MID1: variants seen among roughly 807,000 people sequenced by gnomAD.
The protein encoded by MID1 is E3 ubiquitin-protein ligase Midline-1.
In MID1, 7 loss-of-function variants were observed where a neutral mutation model predicts 40.4. That is an observed-to-expected ratio of 0.17 (90% CI 0.10 to 0.33). The LOEUF (loss-of-function observed/expected upper bound fraction) is 0.33. Among genes scored for constraint, MID1 ranks in the 10% least tolerant of loss-of-function variants. The pLI, the probability that MID1 is intolerant of heterozygous loss-of-function variation, is 1.00. For synonymous variants in MID1, 229 were observed against 221.2 expected (o/e 1.04, Z -0.31); for missense variants, 367 against 558.5 (o/e 0.66, Z 3.46).
intron 3 of MID1, among the ~76,000 whole-genome samples, chrX:10,496,010 T>C (rs184115295): frequency 2.5e-4 from 28 of 112,233 alleles, no homozygotes; most frequent in African/African-American, 9.1e-4. Flanking sequence ...ATATTTGCAA[T>C]TCCTACTTTT....
chrX:10,640,579 C>G (rs1200987069), intron 1 of MID1, among the ~76,000 whole-genome samples: 1 of 111,256 alleles, frequency 9.0e-6, no homozygotes. Context: ...GACGTTAACA[C>G]CCCACTGTCA....
At chrX:10,493,114 T>C (rs1260184944) in intron 4 of MID1, among the ~76,000 whole-genome samples, 4 of 112,004 alleles carry the variant, frequency 3.6e-5, no homozygotes, top group African/African-American at 9.7e-5. Flanking sequence ...GTTACTCACA[T>C]GGCAAAAGGG....
intron 3 of MID1, among the ~76,000 whole-genome samples, chrX:10,516,474 G>A (rs1055287226): frequency 6.4e-5 from 7 of 110,063 alleles, no homozygotes; most frequent in South Asian, 7.9e-4. Context: ...GATTACAGGC[G>A]TGAGCCACCG....
At chrX:10,614,734 G>A (rs944749192) in intron 1 of MID1, among the ~76,000 whole-genome samples, 2 of 112,227 alleles carry the variant, frequency 1.8e-5, no homozygotes, top group African/African-American at 6.5e-5. Flanking sequence ...GAAGGATGGA[G>A]AAAGAAAGGT....
At chrX:10,492,384 C>A (rs1930998351) in intron 4 of MID1, among the ~76,000 whole-genome samples, 1 of 111,539 alleles carries the variant, frequency 9.0e-6, no homozygotes, top group African/African-American at 3.3e-5. Flanking sequence ...GCCTACCCTG[C>A]TCTGATAGTT....
intron 1 of MID1, among the ~76,000 whole-genome samples, chrX:10,675,769 A>G (rs2043019074): frequency 8.9e-6 from 1 of 111,992 alleles, no homozygotes; most frequent in South Asian, 3.7e-4. Flanking sequence ...GGGAGTAAGA[A>G]GCAACATTTG....
At chrX:10,828,086 G>T (rs2044227454) in intron 1 of MID1, among the ~76,000 whole-genome samples, 1 of 111,673 alleles carries the variant, frequency 9.0e-6, no homozygotes, top group Non-Finnish European at 1.9e-5. Context: ...TTAATTGGAA[G>T]AATTTTTTCT....
At chrX:10,660,286 C>T (rs1322146768) in intron 1 of MID1, among the ~76,000 whole-genome samples, 1 of 112,773 alleles carries the variant, frequency 8.9e-6, no homozygotes, top group African/African-American at 3.2e-5. Context: ...CATTCTGAAA[C>T]TGTTGCTATG....
At chrX:10,506,759 T>C (rs1602319442) in intron 3 of MID1, among the ~76,000 whole-genome samples, 1 of 111,704 alleles carries the variant, frequency 9.0e-6, no homozygotes, top group African/African-American at 3.3e-5. Flanking sequence ...AGTCATCCAA[T>C]TTTTCAGTTC....
intron 1 of MID1, among the ~76,000 whole-genome samples, chrX:10,718,618 A>G (rs1174121194): frequency 8.9e-6 from 1 of 111,939 alleles, no homozygotes; most frequent in Admixed American, 9.5e-5. Flanking sequence ...TACCAGAGGT[A>G]CAAGGAGGAG....
chrX:10,494,788 AAAAAG>A (rs2147320052), intron 4 of MID1, among the ~76,000 whole-genome samples: 1 of 108,736 alleles, frequency 9.2e-6, no homozygotes, highest in African/African-American at 3.3e-5. Flanking sequence ...AAAAAAAAAA[AAAAAG>A]AAGAAGAAAA....
At chrX:10,509,293 A>G (rs1303542116) in intron 3 of MID1, among the ~76,000 whole-genome samples, 1 of 111,419 alleles carries the variant, frequency 9.0e-6, no homozygotes, top group East Asian at 2.8e-4. Flanking sequence ...TGATATTGAA[A>G]ATGTTTTCCT....
intron 1 of MID1, among the ~76,000 whole-genome samples, chrX:10,689,743 T>A (rs892952865): frequency 2.9e-4 from 32 of 109,554 alleles, no homozygotes; most frequent in African/African-American, 9.7e-4. Flanking sequence ...AATGTAGATT[T>A]ATAGTGCCTC....
At chrX:10,619,478 A>G (rs1935896719) in intron 1 of MID1, among the ~76,000 whole-genome samples, 1 of 112,742 alleles carries the variant, frequency 8.9e-6, no homozygotes, top group African/African-American at 3.2e-5. Flanking sequence ...AAATATTGAC[A>G]TAAAATTCTT....
At chrX:10,729,657 T>G (rs2043426524) in intron 1 of MID1, among the ~76,000 whole-genome samples, 3 of 112,220 alleles carry the variant, frequency 2.7e-5, no homozygotes, top group African/African-American at 9.7e-5. Flanking sequence ...AAATGCTAAT[T>G]TCAAAGCAGT....
chrX:10,748,596 G>T (rs1246347476), intron 1 of MID1, among the ~76,000 whole-genome samples: 1 of 111,791 alleles, frequency 8.9e-6, no homozygotes, highest in African/African-American at 3.3e-5. Context: ...AAAGCTAGGA[G>T]GAACTATAAT....
intron 1 of MID1, among the ~76,000 whole-genome samples, chrX:10,578,270 G>T (rs1445029939): frequency 8.9e-6 from 1 of 112,707 alleles, no homozygotes; most frequent in African/African-American, 3.2e-5. Flanking sequence ...CCTCGGAAGA[G>T]ACACACATAG....
At chrX:10,772,583 G>GA (rs907447395) in intron 1 of MID1, among the ~76,000 whole-genome samples, 22 of 105,276 alleles carry the variant, frequency 2.1e-4, no homozygotes, top group Non-Finnish European at 3.7e-4. Flanking sequence ...TTTAAAAAAT[G>GA]AAAAAAAATT....
intron 3 of MID1, among the ~76,000 whole-genome samples, chrX:10,511,579 G>A (rs1032404347): frequency 7.2e-5 from 8 of 111,631 alleles, no homozygotes; most frequent in African/African-American, 2.6e-4. Flanking sequence ...AGTAGAGACA[G>A]GGTCTTGCTA....
Sources: gnomAD v4.1 joint callset for allele counts (sites outside exome capture counted in the v4.1 genomes callset) on GRCh38, gnomAD v4.1.1 for gene constraint, MANE v1.5 for transcripts, NCBI Gene and HGNC (gene_info 2026-07-23, HGNC 2026-07-21) for gene names.